Variants in CTNNA2 observed in about 807,000 individuals in gnomAD.
The protein encoded by CTNNA2 is catenin alpha-2.
Under a neutral mutation model 101.0 loss-of-function variants are expected in CTNNA2, and 42 were observed. The observed-to-expected ratio is 0.42, with a 90% CI of 0.32 to 0.54. The LOEUF is 0.54. Among genes scored for constraint, CTNNA2 ranks in the 20% least tolerant of loss-of-function variants. The probability of loss-of-function intolerance (pLI) is 0.14; values close to 1 mark genes in which losing one functional copy is unlikely to be tolerated. For missense variants in CTNNA2, 871 were observed against 1,223.1 expected, an observed-to-expected ratio of 0.71 and a Z score of 4.29; for synonymous variants, 450 against 456.4, an observed-to-expected ratio of 0.99 and a Z score of 0.18.
chr2:80,473,748 T>A (rs947476725), intron 9 of CTNNA2, among the ~76,000 whole-genome samples: 3 of 152,182 alleles, frequency 2.0e-5, no homozygotes, highest in African/African-American at 7.2e-5. Context: ...ACATCCTGAG[T>A]GATCAAAAAT....
chr2:80,532,741 G>GT (rs1430633756), intron 9 of CTNNA2, among the ~76,000 whole-genome samples: 19 of 151,866 alleles, frequency 1.3e-4, no homozygotes, highest in East Asian at 1.9e-4. Context: ...TTGTGTGTGT[G>GT]TTTTTTTTAA....
At chr2:80,085,224 G>A (rs1009810762) in intron 7 of CTNNA2, among the ~76,000 whole-genome samples, 1 of 152,078 alleles carries the variant, frequency 6.6e-6, no homozygotes, top group Non-Finnish European at 1.5e-5. Context: ...GCTCATCACA[G>A]TTGCTCAGTG....
rs553905032 is a variant in CTNNA2 at position 79,286,849 on chromosome 2, T to G, written c.-405-25860T>G. Among the ~76,000 whole-genome samples the G allele has an allele frequency of 3.3e-4, 51 of 152,288 alleles. 1 individual carries two copies. The highest frequency in any genetic ancestry group is 1.2e-3 in the African/African-American group (50 of 41,556). Reference sequence around the variant, plus strand: ...CTCCTGGATAATATCCTGCAGAGTATTTTCCAACTTGGTTCCATTCTCTCC... The same window carrying G: ...CTCCTGGATAATATCCTGCAGAGTAGTTTCCAACTTGGTTCCATTCTCTCC... On this transcript the variant is annotated intron_variant, in intron 2 of 21. Coordinates refer to the CTNNA2 transcript ENST00000466387.
intron 4 of CTNNA2, among the ~76,000 whole-genome samples, chr2:79,397,602 A>C (rs1462256912): frequency 6.6e-6 from 1 of 152,036 alleles, no homozygotes; most frequent in Admixed American, 6.6e-5. Flanking sequence ...AGAAGTCTTC[A>C]GTCTTTCGTG....
intron 3 of CTNNA2, among the ~76,000 whole-genome samples, chr2:79,749,457 G>GTTT (rs1301268899): frequency 3.9e-4 from 59 of 152,244 alleles, no homozygotes; most frequent in African/African-American, 1.3e-3. Flanking sequence ...TGGTGTGTGT[G>GTTT]TTTCTCCCTT....
chr2:79,389,816 G>A (rs1046125071), intron 4 of CTNNA2, among the ~76,000 whole-genome samples: 16 of 152,066 alleles, frequency 1.1e-4, no homozygotes, highest in African/African-American at 3.9e-4. Flanking sequence ...CTAATTTAGA[G>A]TAAAATGTGT....
At position 80,171,160 on chromosome 2, in the gene CTNNA2, A is replaced by G. The variant is rs535242862; in HGVS notation, c.1057-222051A>G. ...TGTTTTAACATTTTAGCCTGTGCAT[A>G]TACATGGATGGAATAACATTGGCTC... is the stretch of plus-strand genomic sequence containing the variant. On this transcript the variant is annotated intron_variant, in intron 7 of 18. Transcript: ENST00000402739. Among the ~76,000 whole-genome samples the G allele has an allele frequency of 4.6e-5, 7 of 152,336 alleles. No individual in the cohort carries two copies. In the South Asian group the frequency reaches 1.2e-3, roughly 27 times the overall value.
chr2:79,793,484 T>C (rs1316249251), intron 3 of CTNNA2, among the ~76,000 whole-genome samples: 2 of 152,242 alleles, frequency 1.3e-5, no homozygotes, highest in Non-Finnish European at 2.9e-5. Flanking sequence ...CTGAATCTTT[T>C]ACTTTGAATA....
chr2:80,643,561 A>G (rs1294386303), intron 18 of CTNNA2, among the ~76,000 whole-genome samples: 2 of 152,196 alleles, frequency 1.3e-5, no homozygotes, highest in Non-Finnish European at 2.9e-5. Flanking sequence ...GCCCTTAACC[A>G]GGAAAAGATG....
At chr2:79,321,996 C>T (rs916775335) in intron 3 of CTNNA2, among the ~76,000 whole-genome samples, 7 of 152,206 alleles carry the variant, frequency 4.6e-5, no homozygotes, top group Non-Finnish European at 7.4e-5. Context: ...GAAGTCCATG[C>T]CTTTAGTCTT....
intron 4 of CTNNA2, among the ~76,000 whole-genome samples, chr2:79,859,663 G>T (rs1457243948): frequency 6.6e-6 from 1 of 151,836 alleles, no homozygotes; most frequent in East Asian, 1.9e-4. Flanking sequence ...GAATGTTTCA[G>T]GGAATGGGTT....
At chr2:79,498,431 A>C (rs903432788) in intron 4 of CTNNA2, among the ~76,000 whole-genome samples, 1 of 152,320 alleles carries the variant, frequency 6.6e-6, no homozygotes, top group South Asian at 2.1e-4. Flanking sequence ...GTAGGCTTTG[A>C]TCTTTTGCAT....
intron 3 of CTNNA2, among the ~76,000 whole-genome samples, chr2:79,831,805 AG>A (rs1678949281): frequency 1.3e-5 from 2 of 151,152 alleles, no homozygotes; most frequent in Non-Finnish European, 3.0e-5. Context: ...TAAAAAAAAA[AG>A]TTTGAATTCC....
intron 3 of CTNNA2, among the ~76,000 whole-genome samples, chr2:79,789,555 G>A (rs928154345): frequency 6.6e-6 from 1 of 152,124 alleles, no homozygotes; most frequent in Non-Finnish European, 1.5e-5. Flanking sequence ...TGCATCCCTT[G>A]GGGACTGGGG....
At chr2:79,941,913 C>G (rs925929958) in intron 7 of CTNNA2, among the ~76,000 whole-genome samples, 2 of 152,100 alleles carry the variant, frequency 1.3e-5, no homozygotes, top group Non-Finnish European at 2.9e-5. Context: ...GCCACTGCGC[C>G]CAGCTCAGAA....
intron 7 of CTNNA2, among the ~76,000 whole-genome samples, chr2:80,026,954 T>G (rs1694967539): frequency 6.6e-6 from 1 of 152,186 alleles, no homozygotes; most frequent in African/African-American, 2.4e-5. Context: ...GTAGATTTCA[T>G]CCCTACTCAG....
At chr2:79,747,815 C>A (rs1365140198) in intron 3 of CTNNA2, among the ~76,000 whole-genome samples, 1 of 152,116 alleles carries the variant, frequency 6.6e-6, no homozygotes, top group African/African-American at 2.4e-5. Context: ...TTATCGATTT[C>A]TTCTTACAAA....
intron 8 of CTNNA2, among the ~76,000 whole-genome samples, chr2:80,403,130 T>C (rs980248691): frequency 4.6e-5 from 7 of 152,196 alleles, no homozygotes; most frequent in African/African-American, 1.7e-4. Flanking sequence ...ATAAATAAGA[T>C]AGTGCAGTGT....
At chr2:79,944,016 T>C (rs1317956829) in intron 7 of CTNNA2, among the ~76,000 whole-genome samples, 1 of 152,258 alleles carries the variant, frequency 6.6e-6, no homozygotes, top group Non-Finnish European at 1.5e-5. Context: ...TTTCTTCCCT[T>C]GTGTCTGTTT....
Sources: allele counts gnomAD v4.1 joint callset (sites outside exome capture counted in the v4.1 genomes callset), GRCh38; gene constraint gnomAD v4.1.1; transcripts MANE v1.5; gene names NCBI Gene and HGNC (gene_info 2026-07-23, HGNC 2026-07-21).